CAMTA1: variants seen among roughly 807,000 people sequenced by gnomAD.
The protein encoded by CAMTA1 is calmodulin-binding transcription activator 1.
Under a neutral mutation model 170.9 loss-of-function variants are expected in CAMTA1, and 27 were observed. The observed-to-expected ratio is 0.16, with a 90% CI of 0.12 to 0.22. The LOEUF (loss-of-function observed/expected upper bound fraction) is 0.22, where lower values mean the gene tolerates loss of function less well. CAMTA1 is among the 10% of genes least tolerant of loss of function. The pLI, the probability that CAMTA1 is intolerant of heterozygous loss-of-function variation, is 1.00. For missense variants in CAMTA1, 1,619 were observed against 2,217.2 expected (o/e 0.73, Z 5.42); for synonymous variants, 833 against 891.5 (o/e 0.93, Z 1.17).
At chr1:7,254,569 C>T (rs767643848) in intron 5 of CAMTA1, among the ~76,000 whole-genome samples, 1 of 152,052 alleles carries the variant, frequency 6.6e-6, no homozygotes, top group Admixed American at 6.5e-5. Flanking sequence ...GCTAGAAGCC[C>T]GGCATTAGGA....
At chr1:7,679,583 C>CCCG (rs1553246543) in intron 11 of CAMTA1, among the ~76,000 whole-genome samples, 1 of 149,876 alleles carries the variant, frequency 6.7e-6, no homozygotes, top group Non-Finnish European at 1.5e-5. Context: ...CTGCCCCCCC[C>CCCG]CCCAGAACTT....
At chr1:7,199,576 C>T (rs1656257728) in intron 4 of CAMTA1, among the ~76,000 whole-genome samples, 1 of 152,304 alleles carries the variant, frequency 6.6e-6, no homozygotes, top group East Asian at 1.9e-4. Flanking sequence ...AGAATTCTTC[C>T]CTCCCACCCA....
chr1:7,019,196 C>T (rs1274445875), intron 3 of CAMTA1, among the ~76,000 whole-genome samples: 12 of 152,324 alleles, frequency 7.9e-5, no homozygotes, highest in Admixed American at 5.9e-4. Flanking sequence ...CCCCTGAACT[C>T]GCGGACACTC....
chr1:7,111,093 A>AGCC (rs2148375646), intron 4 of CAMTA1, among the ~76,000 whole-genome samples: 1 of 152,252 alleles, frequency 6.6e-6, no homozygotes, highest in East Asian at 1.9e-4. Context: ...CCATCTTGAG[A>AGCC]GCCAGCCACG....
At chr1:7,152,690 G>A (rs955395574) in intron 4 of CAMTA1, among the ~76,000 whole-genome samples, 1 of 152,180 alleles carries the variant, frequency 6.6e-6, no homozygotes, top group Non-Finnish European at 1.5e-5. Flanking sequence ...CCCAGGAGGC[G>A]CCTCTGAGTC....
chr1:7,101,084 G>C (rs1206005655), intron 4 of CAMTA1, among the ~76,000 whole-genome samples: 1 of 152,144 alleles, frequency 6.6e-6, no homozygotes, highest in East Asian at 1.9e-4. Flanking sequence ...CACACTGATC[G>C]ATAAGTATTT....
In CAMTA1 at chr1:6,790,381, T is replaced by A. The variant is rs879340990; in HGVS notation, c.45+4806T>A. On this transcript the variant is annotated intron_variant, in intron 1 of 22. Coordinates refer to ENST00000303635, the MANE Select transcript of CAMTA1 (RefSeq NM_015215.4). ...GTGAGAGAGAGAGAGAGAGAGTGTG[T>A]GTGTGTGTGTGTGTGTGTGTGTGTG... 2.7e-3 allele frequency among the ~76,000 whole-genome samples: 405 copies of A among 148,764 alleles called. 1 individual carries two copies. The highest frequency in any genetic ancestry group is 0.022 in the East Asian group (111 of 5,050).
At chr1:6,815,581 G>A (rs909499946) in intron 1 of CAMTA1, among the ~76,000 whole-genome samples, 1 of 152,078 alleles carries the variant, frequency 6.6e-6, no homozygotes, top group African/African-American at 2.4e-5. Context: ...TATCTTGTGT[G>A]GATATTCTGG....
At chr1:7,742,303 A>G (rs1363817005) in intron 16 of CAMTA1, among the ~76,000 whole-genome samples, 1 of 152,106 alleles carries the variant, frequency 6.6e-6, no homozygotes, top group Non-Finnish European at 1.5e-5. Context: ...CAGATCAAGT[A>G]GATATGAAAA....
chr1:7,053,022 G>A (rs1343637196), intron 3 of CAMTA1, among the ~76,000 whole-genome samples: 4 of 152,294 alleles, frequency 2.6e-5, no homozygotes, highest in South Asian at 2.1e-4. Context: ...AGCCTCGCCC[G>A]GCCACTCTGC....
chr1:7,127,196 A>G (rs1644985760), intron 4 of CAMTA1, among the ~76,000 whole-genome samples: 1 of 145,324 alleles, frequency 6.9e-6, no homozygotes, highest in African/African-American at 2.6e-5. Flanking sequence ...CTGATTGTTC[A>G]GCTTTTTCTG....
At chr1:7,042,753 G>C (rs1171703979) in intron 3 of CAMTA1, among the ~76,000 whole-genome samples, 3 of 152,182 alleles carry the variant, frequency 2.0e-5, no homozygotes. Flanking sequence ...CCTTCAGTAG[G>C]GCTGGCAGCA....
intron 6 of CAMTA1, among the ~76,000 whole-genome samples, chr1:7,607,527 T>C (rs1383271580): frequency 6.6e-6 from 1 of 151,216 alleles, no homozygotes; most frequent in Non-Finnish European, 1.5e-5. Context: ...GAGGGGTTGA[T>C]GGATGGAAGA....
At chr1:7,118,542 G>A (rs527879818) in intron 4 of CAMTA1, among the ~76,000 whole-genome samples, 14 of 152,062 alleles carry the variant, frequency 9.2e-5, no homozygotes, top group South Asian at 6.2e-4. Context: ...TGGGATGGCT[G>A]TTGGCTAGTA....
intron 5 of CAMTA1, among the ~76,000 whole-genome samples, chr1:7,341,344 C>T (rs2083815081): frequency 6.6e-6 from 1 of 152,208 alleles, no homozygotes; most frequent in African/African-American, 2.4e-5. Context: ...CTCTTCCCAC[C>T]CACAGAAGCA....
At chr1:6,943,102 G>T (rs910670552) in intron 3 of CAMTA1, among the ~76,000 whole-genome samples, 3 of 152,036 alleles carry the variant, frequency 2.0e-5, no homozygotes, top group African/African-American at 4.8e-5. Flanking sequence ...GGCTGGTGCC[G>T]TGACTGGCCC....
At chr1:7,628,983 C>A (rs2148839468) in intron 6 of CAMTA1, among the ~76,000 whole-genome samples, 1 of 152,364 alleles carries the variant, frequency 6.6e-6, no homozygotes, top group East Asian at 1.9e-4. Flanking sequence ...TGGGCCAGGG[C>A]TGCATGCCCT....
intron 11 of CAMTA1, among the ~76,000 whole-genome samples, chr1:7,725,001 T>C (rs2096674206): frequency 6.6e-6 from 1 of 152,124 alleles, no homozygotes; most frequent in Non-Finnish European, 1.5e-5. Flanking sequence ...ACTCCAGTGT[T>C]CTTTGCACTG....
intron 3 of CAMTA1, among the ~76,000 whole-genome samples, chr1:7,080,891 G>T (rs1170481261): frequency 2.6e-5 from 4 of 152,234 alleles, no homozygotes; most frequent in African/African-American, 7.2e-5. Context: ...AGAATTCTAA[G>T]TGTTTCCAAA....
Sources: gnomAD v4.1 joint callset for allele counts (sites outside exome capture counted in the v4.1 genomes callset) on GRCh38, gnomAD v4.1.1 for gene constraint, MANE v1.5 for transcripts, NCBI Gene and HGNC (gene_info 2026-07-23, HGNC 2026-07-21) for gene names.